Variants in NT5M observed in about 807,000 individuals in gnomAD.
The protein encoded by NT5M is 5',3'-nucleotidase, mitochondrial, also known as 5'(3')-deoxyribonucleotidase, mitochondrial.
A neutral mutation model predicts 22.2 loss-of-function variants in NT5M; 22 were observed. That is an observed-to-expected ratio of 0.99 (90% CI 0.71 to 1.41). The LOEUF (loss-of-function observed/expected upper bound fraction) is 1.41, where lower values mean the gene tolerates loss of function less well. Ranked by LOEUF, NT5M falls within the 40% of genes most tolerant of loss-of-function variation. The pLI, the probability that NT5M is intolerant of heterozygous loss-of-function variation, is 0.00. For missense variants in NT5M, 322 were observed against 314.8 expected, an observed-to-expected ratio of 1.02 and a Z score of -0.17; for synonymous variants, 167 against 133.0, an observed-to-expected ratio of 1.26 and a Z score of -1.76.
At chr17:17,322,778 C>A (rs1485448737) in intron 2 of NT5M, among the ~76,000 whole-genome samples, 1 of 149,090 alleles carries the variant, frequency 6.7e-6, no homozygotes, top group Non-Finnish European at 1.5e-5. Context: ...CGGAGCCAAG[C>A]CAAGCCAAGG....
intron 3 of NT5M, among the ~76,000 whole-genome samples, chr17:17,341,760 G>A (rs2049646594): frequency 6.6e-6 from 1 of 152,258 alleles, no homozygotes; most frequent in Non-Finnish European, 1.5e-5. Flanking sequence ...GCTGGGTGCA[G>A]TGGGTCATGC....
intron 2 of NT5M, among the ~76,000 whole-genome samples, chr17:17,309,080 G>C (rs1256844250): frequency 1.3e-5 from 2 of 151,142 alleles, no homozygotes; most frequent in African/African-American, 4.9e-5. Context: ...ATGAACATTC[G>C]TGTAAATATT....
At chr17:17,330,870 G>A (rs928684724) in intron 3 of NT5M, among the ~76,000 whole-genome samples, 1 of 151,118 alleles carries the variant, frequency 6.6e-6, no homozygotes, top group Non-Finnish European at 1.5e-5. Context: ...AGCCTCCCGA[G>A]TAGCTGGGAC....
intron 2 of NT5M, among the ~76,000 whole-genome samples, chr17:17,312,593 A>C (rs1328738920): frequency 6.6e-6 from 1 of 151,094 alleles, no homozygotes; most frequent in Non-Finnish European, 1.5e-5. Flanking sequence ...GCGGTGAGCC[A>C]AGATTGCGCC....
At position 17,305,408 on chromosome 17, in the gene NT5M, G is replaced by A. The variant is rs78245057; in HGVS notation, c.268-1135G>A. Reference sequence around the variant, plus strand: ...TTAAAACAACCGCCCCCCCCCCCCCGCCCCCACACACGTGGCTCCTTATGT... The same window carrying A: ...TTAAAACAACCGCCCCCCCCCCCCCACCCCCACACACGTGGCTCCTTATGT... On this transcript the variant is annotated intron_variant, in intron 1 of 4. Transcript: ENST00000389022. Among the ~76,000 whole-genome samples the A allele has an allele frequency of 2.3e-4, 7 of 29,856 alleles. 1 individual carries two copies. The highest frequency in any genetic ancestry group is 5.8e-4 in the African/African-American group (4 of 6,884). 19.6% of individuals were successfully genotyped at this position (29,856 alleles called of 152,430 possible).
At chr17:17,319,261 A>G (rs894258989) in intron 2 of NT5M, among the ~76,000 whole-genome samples, 1 of 151,078 alleles carries the variant, frequency 6.6e-6, no homozygotes, top group Non-Finnish European at 1.5e-5. Context: ...CCTTAGAGCT[A>G]GGCAGCCCCT....
intron 3 of NT5M, among the ~76,000 whole-genome samples, chr17:17,344,323 C>T (rs751313581): frequency 2.6e-5 from 4 of 152,176 alleles, no homozygotes; most frequent in African/African-American, 4.8e-5. Context: ...GGGCCTTGAC[C>T]GCTGTCTCCT....
chr17:17,332,459 C>G (rs2049408275), intron 3 of NT5M, among the ~76,000 whole-genome samples: 1 of 152,148 alleles, frequency 6.6e-6, no homozygotes, highest in Non-Finnish European at 1.5e-5. Context: ...ACTCCTAGGT[C>G]TTGGAGAGAG....
intron 4 of NT5M, among the ~76,000 whole-genome samples, chr17:17,345,634 CA>C (rs34513135): frequency 0.45 from 44,109 of 98,474 alleles, 7,569 homozygotes; most frequent in Middle Eastern, 0.56. Context: ...CCTGTCTCTA[CA>C]AAAAAAAAAA....
chr17:17,314,040 C>CTTT (rs71281038), intron 2 of NT5M, among the ~76,000 whole-genome samples: 1 of 143,246 alleles, frequency 7.0e-6, no homozygotes, highest in Non-Finnish European at 1.5e-5. Context: ...TGAATATATT[C>CTTT]TTTTTTTTTT....
At position 17,303,434 on chromosome 17, in the gene NT5M, G is replaced by T. The variant is rs1411360615; in HGVS notation, c.-117G>T. 4.0e-6 allele frequency: 4 copies of T among 992,110 alleles called. No homozygotes were observed. Among genetic ancestry groups the T allele is most frequent in the Admixed American group, 6.0e-5 (1 of 16,716 alleles). The allele number at this position is 992,110 out of a possible 1,614,324, so 61.5% of individuals were successfully genotyped here. On this transcript the variant is annotated 5_prime_UTR_variant, in exon 1 of 5. Coordinates refer to ENST00000389022, the MANE Select transcript of NT5M (RefSeq NM_020201.4). ...CTCCCCGCCCCGCTCCCCGTCCCGC[G>T]CTCCACGCGCGCCCCAGCGTTGGGG...
rs536062238 is a variant in NT5M at position 17,325,205 on chromosome 17, G to C, written c.429+1960G>C. On this transcript the variant is annotated intron_variant, in intron 3 of 4. Transcript: ENST00000389022. ...GGGTGGCCATGGTGGTTGACCAGCA[G>C]TTGTGGGAGTGAGATGAACGACATG... Among the ~76,000 whole-genome samples, 75 of 152,338 alleles carry C rather than the reference G, an allele frequency of 4.9e-4. 1 individual carries two copies. The South Asian group carries it at 0.014, about 29-fold the overall frequency.
intron 3 of NT5M, among the ~76,000 whole-genome samples, chr17:17,342,722 C>T (rs373716505): frequency 1.0e-3 from 157 of 152,280 alleles, no homozygotes; most frequent in African/African-American, 3.7e-3. Context: ...GAGAGCCAGC[C>T]GCCTTGTCAG....
At chr17:17,323,046 C>T (rs1597773510) in intron 2 of NT5M, 139 bp from the exon 3 acceptor site, 3 of 770,512 alleles carry the variant, frequency 3.9e-6, no homozygotes, top group South Asian at 2.9e-5. Context: ...GGATATAGTA[C>T]AGGGGAGTGG....
intron 3 of NT5M, among the ~76,000 whole-genome samples, chr17:17,330,165 T>A (rs894747745): frequency 4.0e-5 from 6 of 151,488 alleles, no homozygotes; most frequent in Non-Finnish European, 7.4e-5. Context: ...CCGAGCGTTG[T>A]GGCGGGCGCC....
intron 3 of NT5M, among the ~76,000 whole-genome samples, chr17:17,338,195 CTTTTT>C (rs35575792): frequency 7.0e-6 from 1 of 143,082 alleles, no homozygotes. Context: ...GTTCTGTGAT[CTTTTT>C]TTTTTTTTTT....
rs201242235 is a variant in NT5M, at chr17:17,344,889, C to A, written c.525C>A (p.Asp175Glu). Residue 175 changes from aspartate (D) to glutamate (E), a missense_variant, in exon 4 of 5, where the codon GAC becomes GAA. By Grantham distance (45) the Asp-to-Glu change is conservative. Transcript: ENST00000389022. ...KTVVSADLLI[D>E]DRPDITGAEP... ...TGGTCTCTGCTGACCTTCTCATAGA[C>A]GACCGGCCGGACATCACAGGCAAGT... 2.0e-5 allele frequency: 32 copies of A among 1,614,184 alleles called. No individual in the cohort carries two copies. The East Asian group carries it at 6.7e-4, about 34-fold the overall frequency.
intron 2 of NT5M, among the ~76,000 whole-genome samples, chr17:17,315,758 T>G (rs1211982765): frequency 1.5e-5 from 2 of 136,956 alleles, no homozygotes; most frequent in Non-Finnish European, 3.2e-5. Flanking sequence ...TTTTGTTTTT[T>G]TTTTTTTTTT....
At chr17:17,318,416 G>A (rs1010056734) in intron 2 of NT5M, among the ~76,000 whole-genome samples, 2 of 150,650 alleles carry the variant, frequency 1.3e-5, no homozygotes, top group Non-Finnish European at 2.9e-5. Context: ...GGAAACGGGA[G>A]GTTGCAGTGA....
Sources: gnomAD v4.1 joint callset for allele counts (sites outside exome capture counted in the v4.1 genomes callset) on GRCh38, gnomAD v4.1.1 for gene constraint, MANE v1.5 for transcripts, NCBI Gene and HGNC (gene_info 2026-07-23, HGNC 2026-07-21) for gene names.